The following TP73 variants were observed in gnomAD, a reference collection of about 807,000 sequenced individuals.
TP73 encodes the protein p53-like transcription factor.
In TP73, 25 loss-of-function variants were observed where a neutral mutation model predicts 62.5. The ratio of observed to expected loss-of-function variants is 0.40; its 90% CI spans 0.29 to 0.56. The LOEUF (loss-of-function observed/expected upper bound fraction) is 0.56, where lower values mean the gene tolerates loss of function less well. TP73 is among the 20% of genes least tolerant of loss of function. The pLI is 0.46. For missense variants in TP73, 754 were observed against 913.3 expected (o/e 0.83, Z 2.25); for synonymous variants, 423 against 377.5 (o/e 1.12, Z -1.40).
intron 5 of TP73, 142 bp downstream of exon 5, chr1:3,722,349 C>A: frequency 9.7e-7 from 1 of 1,034,820 alleles, no homozygotes; most frequent in Non-Finnish European, 1.4e-6. Context: ...TCAGTGCCTC[C>A]ACCAGCCCCC....
intron 6 of TP73, among the ~76,000 whole-genome samples, chr1:3,725,589 G>A (rs34178965): frequency 2.1e-5 from 2 of 94,070 alleles, no homozygotes. Flanking sequence ...TGGGTGGGTG[G>A]GTGAATGGAT....
In TP73 at chr1:3,666,008, G is replaced by A. The variant is rs566823886; in HGVS notation, c.-34+13367G>A. ...AAATTAGCTGGGTATAGTAATTCCA[G>A]CTACTTGGGAGGCTGAGGCAGGAGA... On this transcript the variant is annotated intron_variant, in intron 1 of 13. Coordinates refer to ENST00000378295, the MANE Select transcript of TP73 (RefSeq NM_005427.4). The surrounding 1 kb of genome is among the most constrained non-coding windows in gnomAD (Gnocchi z 6.4). Among the ~76,000 whole-genome samples the A allele has an allele frequency of 1.3e-5, 2 of 150,958 alleles. No homozygotes were observed. The highest frequency in any genetic ancestry group is 4.9e-5 in the African/African-American group (2 of 41,106).
chr1:3,726,910 GAT>G (rs1330550012), intron 6 of TP73, among the ~76,000 whole-genome samples: 28 of 151,022 alleles, frequency 1.9e-4, no homozygotes, highest in Non-Finnish European at 2.8e-4. Flanking sequence ...TCGATGGATG[GAT>G]GGATGGACGG....
At position 3,713,429 on chromosome 1, in the gene TP73, C is replaced by T. The variant is rs1265325807; in HGVS notation, c.429+5638C>T. ...GGGCCGTCCCAGGCTTCTCCTGGAC[C>T]CAGTGCTGACGCCAAGATGCGGTCG... On this transcript the variant is annotated intron_variant, in intron 4 of 13. Coordinates refer to ENST00000378295, the MANE Select transcript of TP73 (RefSeq NM_005427.4). Among the ~76,000 whole-genome samples the T allele has an allele frequency of 2.6e-5, 4 of 152,302 alleles. No individual in the cohort carries two copies. In the East Asian group the frequency reaches 5.8e-4, roughly 22 times the overall value.
At chr1:3,659,773 C>T (rs947587120) in intron 1 of TP73, among the ~76,000 whole-genome samples, 5 of 152,132 alleles carry the variant, frequency 3.3e-5, no homozygotes, top group African/African-American at 1.2e-4. Flanking sequence ...ACTCTGCCTC[C>T]CGGGTTCAAG....
At chr1:3,698,072 G>A (rs1374336047) in intron 3 of TP73, 1 of 985,448 alleles carries the variant, frequency 1.0e-6, no homozygotes, top group African/African-American at 1.7e-5. Flanking sequence ...TGTCCAGGAA[G>A]CCCTGCTAAG....
intron 4 of TP73, among the ~76,000 whole-genome samples, chr1:3,719,435 A>G (rs1211417943): frequency 1.3e-5 from 2 of 152,196 alleles, no homozygotes; most frequent in African/African-American, 4.8e-5. Context: ...GGCAGACAAG[A>G]GCCTGCCACC....
At chr1:3,690,139 G>A (rs1203273296) in intron 3 of TP73, among the ~76,000 whole-genome samples, 2 of 152,188 alleles carry the variant, frequency 1.3e-5, no homozygotes, top group African/African-American at 2.4e-5. Context: ...CCAAACGCAC[G>A]GCTCTGGGCT....
Position 3,682,461 on chromosome 1 carries a change from G to C in TP73, c.65+31G>C, listed in dbSNP as rs533040916. 190 of 1,456,500 alleles carry C rather than the reference G, an allele frequency of 1.3e-4. 8 individuals carry two copies. The South Asian group carries it at 1.9e-3, about 14-fold the overall frequency. 90.2% of individuals were successfully genotyped at this position (1,456,500 alleles called of 1,614,324 possible). A position where few individuals can be genotyped will look rare whatever the true frequency, so the allele number is the denominator to read the frequency against. On this transcript the variant is annotated intron_variant, in intron 2 of 13. Coordinates refer to ENST00000378295, the MANE Select transcript of TP73 (RefSeq NM_005427.4). Reference sequence around the variant, plus strand: ...TGCGCTTGGCTGGCCAGAGCTGGGGGCCCCCCTGGGAGGCACTCTGGGCTA... The same window carrying C: ...TGCGCTTGGCTGGCCAGAGCTGGGGCCCCCCCTGGGAGGCACTCTGGGCTA...
chr1:3,714,559 G>T (rs1031057293), intron 4 of TP73, among the ~76,000 whole-genome samples: 2 of 152,256 alleles, frequency 1.3e-5, no homozygotes, highest in East Asian at 3.8e-4. Flanking sequence ...CCCCTCGTGG[G>T]ACAGCTCCAG....
intron 11 of TP73, among the ~76,000 whole-genome samples, chr1:3,730,581 C>A (rs1397368283): frequency 6.6e-6 from 1 of 152,150 alleles, no homozygotes; most frequent in Non-Finnish European, 1.5e-5. Context: ...GGAAGGTCCT[C>A]ATGTGGGCAG....
At chr1:3,727,006 C>T (rs1277428273) in intron 6 of TP73, 109 bp from the exon 7 acceptor site, 9 of 846,014 alleles carry the variant, frequency 1.1e-5, no homozygotes, top group Non-Finnish European at 1.7e-5. Flanking sequence ...AGCAGGGCAT[C>T]CCCCTGCCTA....
In TP73 at chr1:3,663,543, A is replaced by G. The variant is rs1028034620; in HGVS notation, c.-34+10902A>G. On this transcript the variant is annotated intron_variant, in intron 1 of 13. Coordinates refer to ENST00000378295, the MANE Select transcript of TP73 (RefSeq NM_005427.4). This position sits in a 1 kb window ranked among gnomAD's most constrained non-coding sequence, Gnocchi z 4.7. ...ATACTGGCTCACACGGTGAAACCCC[A>G]TCTCTACTAAAAAATACAAAAAATT... 2.0e-5 allele frequency among the ~76,000 whole-genome samples: 3 copies of G among 152,032 alleles called. No individual in the cohort carries two copies. The highest frequency in any genetic ancestry group is 7.2e-5 in the African/African-American group (3 of 41,396).
At chr1:3,718,269 C>T (rs1640777484) in intron 4 of TP73, among the ~76,000 whole-genome samples, 1 of 152,228 alleles carries the variant, frequency 6.6e-6, no homozygotes, top group South Asian at 2.1e-4. Context: ...CCCAGGACCT[C>T]TTGCAGACGG....
chr1:3,656,775 G>A lies in TP73; in HGVS notation c.-34+4134G>A, dbSNP rs76503687. Among the ~76,000 whole-genome samples, 746 of 152,358 alleles carry A rather than the reference G, an allele frequency of 4.9e-3. 7 individuals carry two copies. Among genetic ancestry groups the A allele is most frequent in the African/African-American group, 0.017 (712 of 41,586 alleles). On this transcript the variant is annotated intron_variant, in intron 1 of 13. Transcript: ENST00000378295. ...GGGCCCTTCCAGAACATCTAAGCCA[G>A]GGGTAGAGAGTCCAGGGTGCTGTGA...
At chr1:3,724,197 A>T (rs1641323305) in intron 6 of TP73, among the ~76,000 whole-genome samples, 1 of 151,934 alleles carries the variant, frequency 6.6e-6, no homozygotes, top group South Asian at 2.1e-4. Flanking sequence ...GGGGAAACAG[A>T]GGGTTTGAAG....
chr1:3,672,232 A>G lies in TP73; in HGVS notation c.-33-10101A>G, dbSNP rs1264546493. Among the ~76,000 whole-genome samples, 1 of 152,154 alleles carries G rather than the reference A, an allele frequency of 6.6e-6. No individual in the cohort carries two copies. Among genetic ancestry groups the G allele is most frequent in the Admixed American group, 6.5e-5 (1 of 15,286 alleles). On this transcript the variant is annotated intron_variant, in intron 1 of 13. Coordinates refer to ENST00000378295, the MANE Select transcript of TP73 (RefSeq NM_005427.4). This position sits in a 1 kb window ranked among gnomAD's most constrained non-coding sequence, Gnocchi z 5.3. ...CAGAGGAGGGTGGCCAGGTGGGGAC[A>G]GCAGCTTGAGAAGGGTCATTCTCTC...
At chr1:3,693,593 G>C (rs1169704607) in intron 3 of TP73, among the ~76,000 whole-genome samples, 1 of 152,132 alleles carries the variant, frequency 6.6e-6, no homozygotes, top group Non-Finnish European at 1.5e-5. Flanking sequence ...GTAGCTGCTC[G>C]GCTGCGGGGC....
Position 3,682,352 on chromosome 1 carries a change from C to T in TP73, c.-14C>T. The T allele has an allele frequency of 6.6e-7, 1 of 1,524,182 alleles. No individual in the cohort carries two copies. 94.4% of individuals were successfully genotyped at this position (1,524,182 alleles called of 1,614,324 possible). A position where few individuals can be genotyped will look rare whatever the true frequency, so the allele number is the denominator to read the frequency against. On this transcript the variant is annotated 5_prime_UTR_variant, in exon 2 of 14. Coordinates refer to ENST00000378295, the MANE Select transcript of TP73 (RefSeq NM_005427.4). ...CTGCAGAGCGAGCTGCCCTCGGAGG[C>T]CGGCGTGGGGAAGATGGCCCAGTCC...
Sources: allele counts gnomAD v4.1 joint callset (sites outside exome capture counted in the v4.1 genomes callset), GRCh38; gene constraint gnomAD v4.1.1; non-coding constraint Gnocchi (gnomAD v3.1); transcripts MANE v1.5; gene names NCBI Gene and HGNC (gene_info 2026-07-23, HGNC 2026-07-21).